F13B: variants seen among roughly 807,000 people sequenced by gnomAD.
F13B encodes the protein coagulation factor XIII B chain, also known as TGase.
In F13B, 58 loss-of-function variants were observed where a neutral mutation model predicts 79.8. The ratio of observed to expected loss-of-function variants is 0.73; its 90% CI spans 0.59 to 0.90. F13B has a LOEUF of 0.90. F13B is among the 40% of genes least tolerant of loss of function. F13B has a pLI of 0.00. For missense variants in F13B, 773 were observed against 777.0 expected (o/e 0.99, Z 0.06); for synonymous variants, 283 against 260.3 (o/e 1.09, Z -0.84).
At chr1:197,064,352 A>G (rs1183510890) in intron 1 of F13B, among the ~76,000 whole-genome samples, 4 of 152,222 alleles carry the variant, frequency 2.6e-5, no homozygotes. Flanking sequence ...TAGTGGCAGT[A>G]TTCATATAGT....
intron 8 of F13B, among the ~76,000 whole-genome samples, chr1:197,054,577 T>C (rs17549657): frequency 0.015 from 2,284 of 151,880 alleles, 47 homozygotes; most frequent in African/African-American, 0.049. Flanking sequence ...CTCAATTGGA[T>C]AAAATAATTT....
At chr1:197,039,514 T>A in intron 11 of F13B, 103 bp from the exon 12 acceptor site, 4 of 846,768 alleles carry the variant, frequency 4.7e-6, no homozygotes, top group Non-Finnish European at 8.0e-6. Context: ...TCATTGTTTT[T>A]ATTAAGTACT....
At chr1:197,062,288 T>C (rs17514232) in intron 2 of F13B, among the ~76,000 whole-genome samples, 1 of 152,140 alleles carries the variant, frequency 6.6e-6, no homozygotes, top group African/African-American at 2.4e-5. Context: ...TCACCTGCCC[T>C]AGTGGAAGAT....
intron 11 of F13B, 45 bp downstream of exon 11, chr1:197,040,477 T>A: frequency 7.2e-7 from 1 of 1,383,562 alleles, no homozygotes; most frequent in Non-Finnish European, 1.0e-6. Flanking sequence ...TGAATAACAA[T>A]CTGACCAAAA....
chr1:197,052,922 C>T, intron 8 of F13B, 88 bp from the exon 9 acceptor site: 1 of 966,744 alleles, frequency 1.0e-6, no homozygotes, highest in Non-Finnish European at 1.6e-6. Flanking sequence ...TGACAAGTTT[C>T]AAAAGCAATA....
At chr1:197,062,779 A>AT (rs925076036) in intron 2 of F13B, 78 bp downstream of exon 2, 22 of 1,427,060 alleles carry the variant, frequency 1.5e-5, no homozygotes, top group Admixed American at 1.5e-4. Context: ...ACCGCTTTCC[A>AT]TTTTTATTGG....
intron 11 of F13B, chr1:197,040,075 G>A (rs1282801693): frequency 6.3e-6 from 1 of 159,288 alleles, no homozygotes; most frequent in African/African-American, 2.4e-5. Context: ...TGTCATATGA[G>A]GAAACACTTT....
rs1212728597 is a variant in F13B at position 197,040,510 on chromosome 1, A to C, written c.1952+12T>G. The C allele has an allele frequency of 3.2e-5, 52 of 1,604,506 alleles. No individual in the cohort carries two copies. The highest frequency in any genetic ancestry group is 4.3e-5 in the Non-Finnish European group (51 of 1,173,884). ...AAAAAAATAATCTGACCAAAAAAAA[A>C]AAACTTCTTACCTTTGTCTTGGAAT... On this transcript the variant is annotated intron_variant, in intron 11 of 11. Coordinates refer to ENST00000367412, the MANE Select transcript of F13B (RefSeq NM_001994.3).
At chr1:197,041,918 T>C (rs1655051018) in intron 10 of F13B, among the ~76,000 whole-genome samples, 1 of 152,182 alleles carries the variant, frequency 6.6e-6, no homozygotes, top group Non-Finnish European at 1.5e-5. Flanking sequence ...TTTCCTTTCT[T>C]TTTAAGTTAA....
rs1266108376 is a variant in F13B at position 197,057,094 on chromosome 1, A to G, written c.1090T>C (p.Cys364Arg). The G allele has an allele frequency of 1.2e-6, 2 of 1,613,870 alleles. No homozygotes were observed. Among genetic ancestry groups the G allele is most frequent in the Admixed American group, 1.7e-5 (1 of 59,948 alleles). Residue 364 changes from cysteine (C) to arginine (R), a missense_variant, in exon 7 of 12, where the codon TGT becomes CGT. Cys to Arg is a radical substitution (Grantham distance 180). Coordinates refer to ENST00000367412, the MANE Select transcript of F13B (RefSeq NM_001994.3). ...YYNGDKVTYA[C>R]KSGYLLHGSN... is the part of the protein sequence containing the mutation. Reference sequence around the variant, plus strand: ...CCATGGAGAAGGTAGCCGCTTTTACATGCATATGTCACTTTATCCCCATTG... The same window carrying G: ...CCATGGAGAAGGTAGCCGCTTTTACGTGCATATGTCACTTTATCCCCATTG...
chr1:197,063,215 C>G lies in F13B; in HGVS notation c.65-158G>C, dbSNP rs5996. Among the ~76,000 whole-genome samples the G allele has an allele frequency of 0.3, 46,394 of 152,144 alleles. 8,855 individuals carry two copies. The highest frequency in any genetic ancestry group is 0.45 in the Middle Eastern group (133 of 294). On this transcript the variant is annotated intron_variant, in intron 1 of 11. Coordinates refer to ENST00000367412, the MANE Select transcript of F13B (RefSeq NM_001994.3). ...TAAGGTACTTTTGTGACAACTCAAG[C>G]AGTCCTTTTATCATAATTGATCTGC...
Position 197,040,502 on chromosome 1 carries a change from A to C in F13B, c.1952+20T>G, listed in dbSNP as rs1434557051. 2.0e-6 allele frequency: 2 copies of C among 1,017,628 alleles called. No individual in the cohort carries two copies. The highest frequency in any genetic ancestry group is 3.1e-5 in the East Asian group (1 of 32,318). The allele number at this position is 1,017,628 out of a possible 1,614,324, so 63.0% of individuals were successfully genotyped here. Reference sequence around the variant, plus strand: ...TCTGACCAAAAAAAATAATCTGACCAAAAAAAAAAAACTTCTTACCTTTGT... The same window carrying C: ...TCTGACCAAAAAAAATAATCTGACCCAAAAAAAAAAACTTCTTACCTTTGT... On this transcript the variant is annotated intron_variant, in intron 11 of 11. Coordinates refer to ENST00000367412, the MANE Select transcript of F13B (RefSeq NM_001994.3).
In F13B at chr1:197,057,062, A is replaced by G; in HGVS notation, c.1122T>C (p.Asn374=). ...ATTTTCCACGATTACAAGTTATCTC[A>G]TTCGATCCATGGAGAAGGTAGCCGC... ...CKSGYLLHGS[N]EITCNRGKWT... The change falls in exon 7 of 12, where the codon AAT becomes AAC. Residue 374 remains asparagine (N), a synonymous_variant. Coordinates refer to ENST00000367412, the MANE Select transcript of F13B (RefSeq NM_001994.3). The G allele has an allele frequency of 2.5e-6, 4 of 1,612,316 alleles. No homozygotes were observed. The South Asian group carries it at 4.4e-5, about 18-fold the overall frequency.
In F13B at chr1:197,057,328, G is replaced by A. The variant is rs752731148; in HGVS notation, c.943C>T (p.Arg315Cys). The A allele has an allele frequency of 1.2e-5, 20 of 1,613,806 alleles. No homozygotes were observed. The highest frequency in any genetic ancestry group is 4.5e-5 in the East Asian group (2 of 44,856). Residue 315 changes from arginine to cysteine, a missense_variant, in exon 6 of 12, where the codon CGT becomes TGT. Coordinates refer to ENST00000367412, the MANE Select transcript of F13B (RefSeq NM_001994.3). ...TCTGTCCATTTTCCATCTTCACAAC[G>A]TATTTCTGCTGACCCATGGATCTCA... Reference protein sequence around the residue: ...NFEIHGSAEIRCEDGKWTEPP... With the variant: ...NFEIHGSAEICCEDGKWTEPP...
chr1:197,049,809 A>G (rs1332697127), intron 10 of F13B, among the ~76,000 whole-genome samples: 1 of 152,146 alleles, frequency 6.6e-6, no homozygotes, highest in African/African-American at 2.4e-5. Flanking sequence ...AACATATAAT[A>G]TGCATAATTT....
At chr1:197,061,727 T>C (rs757846442) in intron 3 of F13B, 57 bp downstream of exon 3, 3 of 1,359,912 alleles carry the variant, frequency 2.2e-6, no homozygotes, top group Admixed American at 3.4e-5. Context: ...AGCTTCAATA[T>C]ATTCAATATA....
At chr1:197,059,439 TCAC>T (rs1655764215) in intron 5 of F13B, among the ~76,000 whole-genome samples, 1 of 152,134 alleles carries the variant, frequency 6.6e-6, no homozygotes, top group Non-Finnish European at 1.5e-5. Flanking sequence ...TTTCAAATCT[TCAC>T]CACTTTCCTC....
chr1:197,063,154 A>G, intron 1 of F13B, 97 bp from the exon 2 acceptor site: 1 of 980,540 alleles, frequency 1.0e-6, no homozygotes, highest in East Asian at 2.4e-5. Flanking sequence ...TTTTAGAGAC[A>G]CTTCAACTAG....
intron 11 of F13B, chr1:197,040,286 A>T (rs1654988141): frequency 2.1e-6 from 1 of 476,126 alleles, no homozygotes; most frequent in African/African-American, 1.9e-5. Context: ...CATTTGCCAA[A>T]GTGTCACAAA....
Sources: gnomAD v4.1 joint callset for allele counts (sites outside exome capture counted in the v4.1 genomes callset) on GRCh38, gnomAD v4.1.1 for gene constraint, MANE v1.5 for transcripts, NCBI Gene and HGNC (gene_info 2026-07-23, HGNC 2026-07-21) for gene names.